CSMD1: variants seen among roughly 807,000 people sequenced by gnomAD.
The protein encoded by CSMD1 is CUB and Sushi multiple domains 1, also known as CUB and sushi domain-containing protein 1.
In CSMD1, 213 loss-of-function variants were observed where a neutral mutation model predicts 417.5. The observed-to-expected ratio is 0.51, with a 90% confidence interval of 0.46 to 0.57. The LOEUF (loss-of-function observed/expected upper bound fraction) is 0.57, where lower values mean the gene tolerates loss of function less well. Among genes scored for constraint, CSMD1 ranks in the 20% least tolerant of loss-of-function variants. CSMD1 has a pLI of 0.00. For synonymous variants in CSMD1, 2,862 were observed against 1,736.8 expected, an observed-to-expected ratio of 1.65 and a Z score of -16.11; for missense variants, 6,923 against 4,529.7, an observed-to-expected ratio of 1.53 and a Z score of -15.17.
At chr8:3,019,324 T>C (rs2128969219) in intron 51 of CSMD1, among the ~76,000 whole-genome samples, 1 of 152,250 alleles carries the variant, frequency 6.6e-6, no homozygotes, top group Middle Eastern at 3.4e-3. Flanking sequence ...ATCAAATAAA[T>C]TGTCTATCTC....
rs140004863 is a variant in CSMD1, at chr8:4,167,356, G to A, written c.416-135257C>T. On this transcript the variant is annotated intron_variant, in intron 3 of 69. Coordinates refer to ENST00000635120, the MANE Select transcript of CSMD1 (RefSeq NM_033225.6). ...AGTAAGACTTTGTGAAGGGTGCCTG[G>A]TGACACTTCAATTTAAATAACAAAC... is the stretch of plus-strand genomic sequence containing the variant. Among the ~76,000 whole-genome samples the A allele has an allele frequency of 6.8e-3, 1,034 of 152,268 alleles. 13 individuals are homozygous for A. The highest frequency in any genetic ancestry group is 0.024 in the African/African-American group (1,000 of 41,570).
At chr8:3,670,261 CT>C (rs772268693) in intron 7 of CSMD1, among the ~76,000 whole-genome samples, 1 of 151,970 alleles carries the variant, frequency 6.6e-6, no homozygotes, top group Non-Finnish European at 1.5e-5. Flanking sequence ...AAAGGTCAGA[CT>C]GGCCTAGCCT....
chr8:4,195,385 A>T (rs1282465877), intron 3 of CSMD1, among the ~76,000 whole-genome samples: 1 of 152,196 alleles, frequency 6.6e-6, no homozygotes, highest in East Asian at 1.9e-4. Context: ...AACATTTTTT[A>T]AAATTATAAA....
chr8:3,923,888 A>G (rs1357682951), intron 5 of CSMD1, among the ~76,000 whole-genome samples: 1 of 152,158 alleles, frequency 6.6e-6, no homozygotes, highest in Non-Finnish European at 1.5e-5. Flanking sequence ...GCTTGTAGCT[A>G]TTTTTAAAAT....
chr8:3,097,296 T>C (rs1563336112), intron 46 of CSMD1, among the ~76,000 whole-genome samples: 1 of 152,152 alleles, frequency 6.6e-6, no homozygotes, highest in South Asian at 2.1e-4. Flanking sequence ...ACACCTTAAT[T>C]TGGGGCAGAT....
intron 4 of CSMD1, among the ~76,000 whole-genome samples, chr8:4,007,147 A>T (rs778551944): frequency 6.6e-6 from 1 of 152,078 alleles, no homozygotes; most frequent in Non-Finnish European, 1.5e-5. Context: ...CACGACTTTT[A>T]CTATTTCTCA....
chr8:3,405,248 A>C (rs1009215619), intron 15 of CSMD1, among the ~76,000 whole-genome samples: 2 of 152,204 alleles, frequency 1.3e-5, no homozygotes, highest in Non-Finnish European at 2.9e-5. Flanking sequence ...TTTTTTAAAA[A>C]TATTTTCTTA....
At chr8:3,328,954 A>T (rs1440207240) in intron 23 of CSMD1, among the ~76,000 whole-genome samples, 1 of 152,208 alleles carries the variant, frequency 6.6e-6, no homozygotes, top group Non-Finnish European at 1.5e-5. Flanking sequence ...CAAGTCTATT[A>T]CATCCCAGAA....
At chr8:4,143,723 T>C (rs1168269174) in intron 3 of CSMD1, among the ~76,000 whole-genome samples, 2 of 150,896 alleles carry the variant, frequency 1.3e-5, no homozygotes, top group East Asian at 1.9e-4. Context: ...GAAAGAAACA[T>C]AGGAAGGAAG....
At chr8:3,066,061 C>A (rs1168432301) in intron 49 of CSMD1, among the ~76,000 whole-genome samples, 1 of 152,244 alleles carries the variant, frequency 6.6e-6, no homozygotes, top group African/African-American at 2.4e-5. Context: ...CCAAAGGTTA[C>A]AGAAAAATTG....
At position 4,646,610 on chromosome 8, in the gene CSMD1, T is replaced by G. The variant is rs180762173; in HGVS notation, c.86-9052A>C. Among the ~76,000 whole-genome samples the G allele has an allele frequency of 3.1e-3, 474 of 152,006 alleles. 2 individuals are homozygous for G. The highest frequency in any genetic ancestry group is 4.8e-3 in the Non-Finnish European group (324 of 67,938). On this transcript the variant is annotated intron_variant, in intron 1 of 69. Coordinates refer to ENST00000635120, the MANE Select transcript of CSMD1 (RefSeq NM_033225.6). ...AATTCTTTCTGTGTAGATATATGAG[T>G]GCCATAGTTGTCTTTCCTCAACAAT...
rs769348133 is a variant in CSMD1 at position 4,425,140 on chromosome 8, A to C, written c.303-5075T>G. 2.0e-5 allele frequency among the ~76,000 whole-genome samples: 3 copies of C among 152,186 alleles called. No homozygotes were observed. In the South Asian group the frequency reaches 6.2e-4, roughly 31 times the overall value. Reference sequence around the variant, plus strand: ...ATGTGATAGCACTTAATTAAATACAATTTCATGTCCCTTTAAATTATTAAG... The same window carrying C: ...ATGTGATAGCACTTAATTAAATACACTTTCATGTCCCTTTAAATTATTAAG... On this transcript the variant is annotated intron_variant, in intron 2 of 69. Coordinates refer to ENST00000635120, the MANE Select transcript of CSMD1 (RefSeq NM_033225.6).
chr8:3,079,330 GAC>G (rs1228642934), intron 49 of CSMD1, among the ~76,000 whole-genome samples: 7 of 152,128 alleles, frequency 4.6e-5, no homozygotes, highest in Non-Finnish European at 1.0e-4. Flanking sequence ...TATAAAGAGA[GAC>G]ACAAGCATAC....
At chr8:4,162,925 G>A (rs571981425) in intron 3 of CSMD1, among the ~76,000 whole-genome samples, 1 of 152,098 alleles carries the variant, frequency 6.6e-6, no homozygotes, top group Admixed American at 6.6e-5. Context: ...TGCAACCACT[G>A]GTCTTTTTAC....
chr8:3,034,612 A>G (rs1349893335), intron 50 of CSMD1, among the ~76,000 whole-genome samples: 1 of 152,182 alleles, frequency 6.6e-6, no homozygotes, highest in African/African-American at 2.4e-5. Flanking sequence ...CTACACATAA[A>G]TGCAAAAGGT....
Position 3,530,917 on chromosome 8 carries a change from G to C in CSMD1, c.1345-37191C>G, listed in dbSNP as rs1489550269. ...CTGTCATCCAGACTGGAATGCAGTGGTACGATCTCACTGCAACCTCCACCT... is the reference window on the plus strand; with the variant it reads ...CTGTCATCCAGACTGGAATGCAGTGCTACGATCTCACTGCAACCTCCACCT... On this transcript the variant is annotated intron_variant, in intron 10 of 69. Transcript: ENST00000635120. 2.0e-5 allele frequency among the ~76,000 whole-genome samples: 3 copies of C among 150,804 alleles called. No homozygotes were observed. The East Asian group carries it at 5.9e-4, about 30-fold the overall frequency.
At chr8:4,723,350 A>G (rs749018653) in intron 1 of CSMD1, among the ~76,000 whole-genome samples, 12 of 152,206 alleles carry the variant, frequency 7.9e-5, no homozygotes. Context: ...AACTCTTTCA[A>G]GGACCGAGGT....
intron 3 of CSMD1, among the ~76,000 whole-genome samples, chr8:4,185,000 C>G (rs1356211125): frequency 1.3e-5 from 2 of 151,446 alleles, no homozygotes; most frequent in Non-Finnish European, 2.9e-5. Context: ...TTAGCTGGGC[C>G]TGGTGGTGGG....
chr8:4,307,307 C>T (rs766778937), intron 3 of CSMD1, among the ~76,000 whole-genome samples: 1 of 152,136 alleles, frequency 6.6e-6, no homozygotes, highest in Non-Finnish European at 1.5e-5. Flanking sequence ...TCCCCTAGCA[C>T]AGGCATCACA....
Sources: gnomAD v4.1 joint callset for allele counts (sites outside exome capture counted in the v4.1 genomes callset) on GRCh38, gnomAD v4.1.1 for gene constraint, MANE v1.5 for transcripts, NCBI Gene and HGNC (gene_info 2026-07-23, HGNC 2026-07-21) for gene names.